Variants in BPIFB6 observed in about 807,000 individuals in gnomAD.
BPIFB6 encodes the protein BPI fold-containing family B member 6.
BPIFB6 carries 47 observed loss-of-function variants against 54.7 expected under a neutral mutation model. The ratio of observed to expected loss-of-function variants is 0.86; its 90% CI spans 0.68 to 1.10. BPIFB6 has a LOEUF of 1.10. Among genes scored for constraint, BPIFB6 ranks in the 50% least tolerant of loss-of-function variants. The pLI is 0.00. For synonymous variants in BPIFB6, 255 were observed against 225.9 expected, an observed-to-expected ratio of 1.13 and a Z score of -1.16; for missense variants, 603 against 564.1, an observed-to-expected ratio of 1.07 and a Z score of -0.70.
At chr20:33,036,582 G>A (rs1979352919) in intron 7 of BPIFB6, 46 bp downstream of exon 7, 1 of 1,514,528 alleles carries the variant, frequency 6.6e-7, no homozygotes, top group African/African-American at 1.4e-5. Flanking sequence ...AGGCTCACTG[G>A]TCTGGGTAGT....
Position 33,042,720 on chromosome 20 carries a change from T to A in BPIFB6, c.1189-95T>A, listed in dbSNP as rs528265104. The A allele has an allele frequency of 5.5e-4, 642 of 1,172,324 alleles. 3 individuals carry two copies. In the African/African-American group the frequency reaches 8.6e-3, roughly 16 times the overall value. 72.6% of individuals were successfully genotyped at this position (1,172,324 alleles called of 1,614,324 possible). ...CCATTTGATGTCTAATATTCACTTC[T>A]GTGGTCCCCAGGCCTAGCCAGAGAG... On this transcript the variant is annotated intron_variant, in intron 12 of 14. Coordinates refer to ENST00000349552, the MANE Select transcript of BPIFB6 (RefSeq NM_174897.2).
chr20:33,036,290 A>G (rs576342800), intron 6 of BPIFB6, among the ~76,000 whole-genome samples, 155 bp from the exon 7 acceptor site: 16 of 152,282 alleles, frequency 1.1e-4, no homozygotes, highest in Non-Finnish European at 2.1e-4. Context: ...CATGGCCTCT[A>G]TTCTACAGAT....
rs1347748515 is a variant in BPIFB6, at chr20:33,031,651, C to T, written c.4C>T (p.Leu2=). Residue 2 remains leucine (L), a synonymous_variant, in exon 1 of 15, where the codon CTG becomes TTG. Transcript: ENST00000349552. The part of the protein sequence containing the change: M[L]RILCLALCSL... ...GCCCCTTGGCACAGGTGGTGCCATG[C>T]TGCGGATCCTGTGCCTGGCACTCTG... The T allele has an allele frequency of 1.2e-6, 2 of 1,613,640 alleles. No homozygotes were observed. Among genetic ancestry groups the T allele is most frequent in the Non-Finnish European group, 1.7e-6 (2 of 1,179,876 alleles).
At position 33,033,147 on chromosome 20, in the gene BPIFB6, C is replaced by G. The variant is rs1019066622; in HGVS notation, c.197+64C>G. 3.2e-6 allele frequency: 4 copies of G among 1,260,218 alleles called. No homozygotes were observed. In the African/African-American group the frequency reaches 5.9e-5, roughly 19 times the overall value. 78.1% of individuals were successfully genotyped at this position (1,260,218 alleles called of 1,614,324 possible). On this transcript the variant is annotated intron_variant, in intron 2 of 14. Transcript: ENST00000349552. ...CAGAGGGTGGTGGGGATTGCTGTGCCCAAGATCTTAGCAGGCCAGGTAATG... is the reference window on the plus strand; with the variant it reads ...CAGAGGGTGGTGGGGATTGCTGTGCGCAAGATCTTAGCAGGCCAGGTAATG...
At chr20:33,040,657 C>T (rs188077155) in intron 11 of BPIFB6, among the ~76,000 whole-genome samples, 1 of 152,328 alleles carries the variant, frequency 6.6e-6, no homozygotes, top group East Asian at 1.9e-4. Context: ...CAGGGTCCAG[C>T]TCAAATGCCA....
Position 33,036,464 on chromosome 20 carries a change from G to T in BPIFB6, c.597G>T (p.Gln199His), listed in dbSNP as rs1979344995. ...ACACAGACCCCATGCCTGTGGGCCA[G>T]ATGGGCACCGTCAAATATGTTCTGA... ...TNLSDPMPVG[Q>H]MGTVKYVLMS... The change falls in exon 7 of 15, where the codon CAG becomes CAT. Residue 199 changes from glutamine (Q) to histidine (H), a missense_variant. Gln to His is a conservative substitution (Grantham distance 24). Transcript: ENST00000349552. The T allele has an allele frequency of 1.2e-6, 2 of 1,613,874 alleles. No individual in the cohort carries two copies. Among genetic ancestry groups the T allele is most frequent in the Non-Finnish European group, 1.7e-6 (2 of 1,179,842 alleles).
chr20:33,037,749 C>A lies in BPIFB6; in HGVS notation c.846+11C>A. On this transcript the variant is annotated intron_variant, in intron 8 of 14. Transcript: ENST00000349552. Reference sequence around the variant, plus strand: ...ATCCAGGATACAATGGTGAGCTGTCCAGTTCCCCATTTCCATCTGCCTCTG... The same window carrying A: ...ATCCAGGATACAATGGTGAGCTGTCAAGTTCCCCATTTCCATCTGCCTCTG... 4.3e-6 allele frequency: 7 copies of A among 1,613,566 alleles called. No homozygotes were observed. The highest frequency in any genetic ancestry group is 5.9e-6 in the Non-Finnish European group (7 of 1,179,694).
chr20:33,032,561 T>C (rs1979150434), intron 1 of BPIFB6, among the ~76,000 whole-genome samples: 1 of 152,162 alleles, frequency 6.6e-6, no homozygotes, highest in African/African-American at 2.4e-5. Flanking sequence ...CTCCAGTTTC[T>C]CTGTCGTGTC....
chr20:33,035,270 T>C (rs1000319663), intron 5 of BPIFB6, 126 bp downstream of exon 5: 7 of 985,326 alleles, frequency 7.1e-6, no homozygotes, highest in Non-Finnish European at 1.1e-5. Context: ...GTTCTGAGAC[T>C]GTGGCTGGCT....
In BPIFB6 at chr20:33,031,696, C is replaced by CCA; in HGVS notation, c.49_50insCA (p.Arg17ProfsTer16). On this transcript the variant is annotated frameshift_variant, in exon 1 of 15. Coordinates refer to ENST00000349552, the MANE Select transcript of BPIFB6 (RefSeq NM_174897.2). LOFTEE classifies it high-confidence loss of function. ...ACTCTGCAGCCTGCTGACTGGCACG[C>CCA]GAGCTGACCCTGGGGCACTGCTGCG... 1 of 1,614,104 alleles carries CCA rather than the reference C, an allele frequency of 6.2e-7. No individual in the cohort carries two copies. Among genetic ancestry groups the CCA allele is most frequent in the Middle Eastern group, 1.7e-4 (1 of 6,060 alleles).
At chr20:33,034,352 G>A (rs913089960) in intron 3 of BPIFB6, 62 bp downstream of exon 3, 37 of 1,130,738 alleles carry the variant, frequency 3.3e-5, no homozygotes, top group African/African-American at 7.6e-5. Context: ...ATCCTTACAT[G>A]CACATATATT....
At chr20:33,039,827 A>C (rs73904430) in intron 10 of BPIFB6, among the ~76,000 whole-genome samples, 4,033 of 152,298 alleles carry the variant, frequency 0.026, 167 homozygotes, top group African/African-American at 0.092. Context: ...ATTTGGGGAA[A>C]TCACAAAGGG....
intron 11 of BPIFB6, 102 bp downstream of exon 11, chr20:33,040,420 C>T: frequency 9.3e-7 from 1 of 1,081,020 alleles, no homozygotes; most frequent in Non-Finnish European, 1.4e-6. Context: ...CAGCACACCC[C>T]CAACTACCAG....
chr20:33,035,983 C>T (rs1366483468), intron 6 of BPIFB6, among the ~76,000 whole-genome samples: 1 of 152,132 alleles, frequency 6.6e-6, no homozygotes, highest in Non-Finnish European at 1.5e-5. Context: ...GTAGTAATGC[C>T]TGAATCGCCT....
Position 33,034,901 on chromosome 20 carries a change from C to A in BPIFB6, c.441C>A (p.Asn147Lys), listed in dbSNP as rs779486945. The A allele has an allele frequency of 2.5e-6, 4 of 1,609,662 alleles. No individual in the cohort carries two copies. In the African/African-American group the frequency reaches 4.0e-5, roughly 16 times the overall value. Residue 147 changes from asparagine to lysine, a missense_variant, in exon 4 of 15, where the codon AAC becomes AAA. By Grantham distance (94) the Asn-to-Lys change is moderately conservative (BLOSUM62 0). Transcript: ENST00000349552. The stretch of plus-strand genomic sequence containing the variant: ...TCATCCTGGTCAATGTGAAGACTAA[C>A]CTGCCTAGCAAGTGAGGGGCTCTGT... ...CEVILVNVKT[N>K]LPSNMLPKMV...
chr20:33,042,845 T>G lies in BPIFB6; in HGVS notation c.1219T>G (p.Tyr407Asp). Residue 407 changes from tyrosine (Y) to aspartate (D), a missense_variant, in exon 13 of 15, where the codon TAT (tyrosine) becomes GAT (aspartate). Tyr to Asp is a radical substitution (Grantham distance 160). Coordinates refer to ENST00000349552, the MANE Select transcript of BPIFB6 (RefSeq NM_174897.2). ...ERELTGFITS[Y>D]LEEAYIPVVN... ...GGAATTAACTGGCTTCATCACCAGC[T>G]ATCTCGAAGAAGCCTACATCCCAGT... The G allele has an allele frequency of 6.2e-7, 1 of 1,614,226 alleles. No homozygotes were observed. Among genetic ancestry groups the G allele is most frequent in the Non-Finnish European group, 8.5e-7 (1 of 1,180,028 alleles).
chr20:33,040,377 C>A, intron 11 of BPIFB6, 59 bp downstream of exon 11: 1 of 1,508,490 alleles, frequency 6.6e-7, no homozygotes, highest in Non-Finnish European at 9.2e-7. Flanking sequence ...GCCTTCTGAT[C>A]TAGCACACCC....
rs1979400658 is a variant in BPIFB6 at position 33,037,646 on chromosome 20, G to A, written c.754G>A (p.Gly252Ser). ...CACGTTCCCTGAGGGTTATGCCAAA[G>A]GCTCGTCGCAGCTGCTGCTCCCAGC... ...ALTFPEGYAK[G>S]SSQLLLPATF... The change falls in exon 8 of 15, where the codon GGC (glycine) becomes AGC (serine). Residue 252 changes from glycine (G) to serine (S), a missense_variant. Coordinates refer to ENST00000349552, the MANE Select transcript of BPIFB6 (RefSeq NM_174897.2). 2 of 1,614,036 alleles carry A rather than the reference G, an allele frequency of 1.2e-6. No homozygotes were observed.
Position 33,034,855 on chromosome 20 carries a change from T to G in BPIFB6, c.395T>G (p.Phe132Cys), listed in dbSNP as rs758117682. 6 of 1,613,822 alleles carry G rather than the reference T, an allele frequency of 3.7e-6. No homozygotes were observed. In the South Asian group the frequency reaches 6.6e-5, roughly 18 times the overall value. ...GATGAGGAGACAGGCCTCCCCGTGT[T>G]CAAGAGTGAGGGCTGTGAGGTCATC... ...LRDEETGLPV[F>C]KSEGCEVILV... The change falls in exon 4 of 15, where the codon TTC (phenylalanine) becomes TGC (cysteine). Residue 132 changes from phenylalanine (F) to cysteine (C), a missense_variant. Coordinates refer to ENST00000349552, the MANE Select transcript of BPIFB6 (RefSeq NM_174897.2).
Sources: gnomAD v4.1 joint callset for allele counts (sites outside exome capture counted in the v4.1 genomes callset) on GRCh38, gnomAD v4.1.1 for gene constraint, MANE v1.5 for transcripts, NCBI Gene and HGNC (gene_info 2026-07-23, HGNC 2026-07-21) for gene names.